Variants in NAALADL2 observed in about 807,000 individuals in gnomAD.
The protein encoded by NAALADL2 is N-acetylated alpha-linked acidic dipeptidase like 2.
In NAALADL2, 76 loss-of-function variants were observed where a neutral mutation model predicts 87.2. The observed-to-expected ratio is 0.87, with a 90% CI of 0.72 to 1.05. NAALADL2 has a LOEUF of 1.05. NAALADL2 is among the 50% of genes least tolerant of loss of function. The pLI is 0.00. For missense variants in NAALADL2, 1,089 were observed against 945.8 expected (o/e 1.15, Z -1.99); for synonymous variants, 354 against 331.0 (o/e 1.07, Z -0.75).
intron 2 of NAALADL2, among the ~76,000 whole-genome samples, chr3:175,148,695 C>T (rs903977067): frequency 3.9e-5 from 6 of 152,052 alleles, no homozygotes; most frequent in Admixed American, 1.3e-4. Context: ...TTTATTAAAT[C>T]GGGAGTCCTT....
chr3:175,307,936 TATTC>T (rs1226321065), intron 4 of NAALADL2, among the ~76,000 whole-genome samples: 7 of 152,300 alleles, frequency 4.6e-5, no homozygotes, highest in African/African-American at 1.4e-4. Flanking sequence ...GAGCAAAACT[TATTC>T]AATTAAAGCA....
chr3:174,853,748 T>A (rs1725535770), intron 3 of NAALADL2, among the ~76,000 whole-genome samples: 1 of 152,092 alleles, frequency 6.6e-6, no homozygotes, highest in Admixed American at 6.5e-5. Flanking sequence ...CAAAAGAAGA[T>A]ATAAAAATGG....
At position 174,897,924 on chromosome 3, in the gene NAALADL2, T is replaced by C. The variant is rs1479480784; in HGVS notation, c.43+38474T>C. On this transcript the variant is annotated intron_variant, in intron 1 of 13. Transcript: ENST00000454872. ...GTCAGGAGATCGAGACCATCCCGGCTAAAACGGTGAAACCCCGTCTCTACT... is the reference window on the plus strand; with the variant it reads ...GTCAGGAGATCGAGACCATCCCGGCCAAAACGGTGAAACCCCGTCTCTACT... Among the ~76,000 whole-genome samples, 142 of 145,960 alleles carry C rather than the reference T, an allele frequency of 9.7e-4. 1 individual carries two copies. Among genetic ancestry groups the C allele is most frequent in the Admixed American group, 6.7e-5 (1 of 14,906 alleles).
At chr3:174,640,465 G>T (rs1723061003) in intron 2 of NAALADL2, among the ~76,000 whole-genome samples, 1 of 141,112 alleles carries the variant, frequency 7.1e-6, no homozygotes, top group Non-Finnish European at 1.5e-5. Context: ...GTGTGTGTGT[G>T]TGGAAGGGAA....
chr3:175,656,782 A>C (rs923987624), intron 11 of NAALADL2, among the ~76,000 whole-genome samples: 18 of 151,940 alleles, frequency 1.2e-4, no homozygotes, highest in African/African-American at 4.1e-4. Context: ...AACCAAATTC[A>C]TTAACTATCA....
intron 5 of NAALADL2, among the ~76,000 whole-genome samples, chr3:175,412,554 G>A (rs1243432650): frequency 6.6e-6 from 1 of 152,048 alleles, no homozygotes; most frequent in Non-Finnish European, 1.5e-5. Flanking sequence ...CAAGAAATGA[G>A]CAGATTTACA....
intron 1 of NAALADL2, among the ~76,000 whole-genome samples, chr3:174,513,318 T>A (rs547537604): frequency 6.6e-6 from 1 of 152,322 alleles, no homozygotes; most frequent in East Asian, 1.9e-4. Flanking sequence ...TATATCTCCA[T>A]CTAGATAATT....
intron 11 of NAALADL2, among the ~76,000 whole-genome samples, chr3:175,695,049 G>A (rs1353337405): frequency 6.6e-6 from 1 of 151,278 alleles, no homozygotes; most frequent in African/African-American, 2.4e-5. Flanking sequence ...AGGTGCTTGA[G>A]GAGAGATCCA....
At chr3:174,903,813 G>C (rs1732590211) in intron 1 of NAALADL2, among the ~76,000 whole-genome samples, 1 of 151,682 alleles carries the variant, frequency 6.6e-6, no homozygotes, top group African/African-American at 2.4e-5. Flanking sequence ...GACTGATTAA[G>C]AAAATTAAAA....
intron 3 of NAALADL2, among the ~76,000 whole-genome samples, chr3:175,243,240 A>G (rs1560218905): frequency 1.3e-5 from 2 of 149,596 alleles, no homozygotes; most frequent in African/African-American, 4.9e-5. Flanking sequence ...TTTAACCCCT[A>G]TCTCTAATGC....
chr3:174,724,719 A>G (rs1442032328), intron 2 of NAALADL2, among the ~76,000 whole-genome samples: 2 of 152,190 alleles, frequency 1.3e-5, no homozygotes, highest in Non-Finnish European at 2.9e-5. Context: ...TGAATACACT[A>G]TGTTTTAAAT....
chr3:174,803,910 T>A (rs1236179976), intron 3 of NAALADL2, among the ~76,000 whole-genome samples: 1 of 152,194 alleles, frequency 6.6e-6, no homozygotes, highest in Non-Finnish European at 1.5e-5. Flanking sequence ...GCGTGATGCC[T>A]CTAGCTTTGT....
chr3:175,144,944 C>A (rs1048743693), intron 2 of NAALADL2, among the ~76,000 whole-genome samples: 1 of 151,982 alleles, frequency 6.6e-6, no homozygotes, highest in African/African-American at 2.4e-5. Flanking sequence ...TTCTCCTTTA[C>A]TTCCTGGTAA....
intron 1 of NAALADL2, among the ~76,000 whole-genome samples, chr3:174,926,690 G>C (rs1170237210): frequency 6.6e-6 from 1 of 152,122 alleles, no homozygotes; most frequent in South Asian, 2.1e-4. Context: ...TGCCCTAAAA[G>C]AGCTCCTGAA....
At chr3:175,731,412 T>C (rs955829553) in intron 11 of NAALADL2, among the ~76,000 whole-genome samples, 9 of 152,214 alleles carry the variant, frequency 5.9e-5, no homozygotes, top group African/African-American at 2.2e-4. Context: ...AAGCTGATTC[T>C]CAGTGTTTTT....
chr3:174,832,062 C>T (rs1034027399), intron 3 of NAALADL2, among the ~76,000 whole-genome samples: 1 of 152,036 alleles, frequency 6.6e-6, no homozygotes, highest in Non-Finnish European at 1.5e-5. Flanking sequence ...AAAACCAGCT[C>T]CTGGGTTCAT....
At chr3:174,585,323 T>C (rs9290506) in intron 2 of NAALADL2, among the ~76,000 whole-genome samples, 41,973 of 152,056 alleles carry the variant, frequency 0.28, 7,140 homozygotes, top group East Asian at 0.75. Flanking sequence ...TCCTAAAATA[T>C]TGATTCTAAT....
At chr3:174,896,006 AAAAT>A (rs1462274390) in intron 1 of NAALADL2, among the ~76,000 whole-genome samples, 1 of 152,132 alleles carries the variant, frequency 6.6e-6, no homozygotes, top group Non-Finnish European at 1.5e-5. Context: ...ATGATAAAAA[AAAAT>A]CTTAAAAAAC....
At chr3:175,108,661 G>A (rs1723653198) in intron 2 of NAALADL2, among the ~76,000 whole-genome samples, 1 of 151,858 alleles carries the variant, frequency 6.6e-6, no homozygotes, top group Non-Finnish European at 1.5e-5. Flanking sequence ...AGATTTAAAA[G>A]CTCTAATTTA....
Sources: allele counts gnomAD v4.1 joint callset (sites outside exome capture counted in the v4.1 genomes callset), GRCh38; gene constraint gnomAD v4.1.1; transcripts MANE v1.5; gene names NCBI Gene and HGNC (gene_info 2026-07-23, HGNC 2026-07-21).